The following NRXN3 variants were observed in gnomAD, a reference collection of about 807,000 sequenced individuals.
NRXN3 encodes neurexin 3.
In NRXN3, 32 loss-of-function variants were observed where a neutral mutation model predicts 137.6. That is an observed-to-expected ratio of 0.23 (90% CI 0.18 to 0.31). The LOEUF (loss-of-function observed/expected upper bound fraction) is 0.31, where lower values mean the gene tolerates loss of function less well. Ranked by LOEUF, NRXN3 falls within the 10% of genes least tolerant of loss-of-function variation. The pLI, the probability that NRXN3 is intolerant of heterozygous loss-of-function variation, is 1.00. For synonymous variants in NRXN3, 798 were observed against 784.5 expected, an observed-to-expected ratio of 1.02 and a Z score of -0.29; for missense variants, 1,574 against 2,062.5, an observed-to-expected ratio of 0.76 and a Z score of 4.59.
chr14:79,183,636 T>C (rs961784946), intron 15 of NRXN3, among the ~76,000 whole-genome samples: 8 of 152,238 alleles, frequency 5.3e-5, no homozygotes, highest in Non-Finnish European at 1.0e-4. Context: ...GGATTAACTC[T>C]AGTCTATAAT....
At chr14:79,737,637 A>G (rs961225262) in intron 19 of NRXN3, among the ~76,000 whole-genome samples, 2 of 152,070 alleles carry the variant, frequency 1.3e-5, no homozygotes, top group Admixed American at 6.6e-5. Context: ...ATTTCACCTT[A>G]ATGTCACCAG....
intron 4 of NRXN3, among the ~76,000 whole-genome samples, chr14:78,372,755 A>G (rs1289618665): frequency 6.6e-6 from 1 of 152,238 alleles, no homozygotes; most frequent in African/African-American, 2.4e-5. Context: ...AAGCTAAGGT[A>G]TGTTGAAAAC....
intron 19 of NRXN3, among the ~76,000 whole-genome samples, chr14:79,764,530 G>A (rs187482047): frequency 6.6e-6 from 1 of 152,292 alleles, no homozygotes; most frequent in East Asian, 1.9e-4. Flanking sequence ...TAGCATGGGG[G>A]CCATGTCTAG....
At chr14:79,287,139 C>T (rs1165926874) in intron 15 of NRXN3, among the ~76,000 whole-genome samples, 1 of 152,140 alleles carries the variant, frequency 6.6e-6, no homozygotes, top group East Asian at 1.9e-4. Flanking sequence ...TCTATACATA[C>T]ACTTTTTTGC....
Position 79,861,090 on chromosome 14 carries a change from C to T in NRXN3, c.4094-252C>T. ...GTAGAAGACCCTTTAGCTACCCCTC[C>T]TATTGCTACTCGTGCACCTTCCATT... On this transcript the variant is annotated intron_variant, in intron 20 of 20. Transcript: ENST00000335750. The surrounding 1 kb of genome is among the most constrained non-coding windows in gnomAD (Gnocchi z 5.4). The T allele has an allele frequency of 6.9e-7, 1 of 1,438,946 alleles. No homozygotes were observed. Among genetic ancestry groups the T allele is most frequent in the Non-Finnish European group, 9.1e-7 (1 of 1,099,502 alleles). 89.1% of individuals were successfully genotyped at this position (1,438,946 alleles called of 1,614,324 possible). A position where few individuals can be genotyped will look rare whatever the true frequency, so the allele number is the denominator to read the frequency against.
intron 15 of NRXN3, among the ~76,000 whole-genome samples, chr14:79,229,979 C>T (rs1234867228): frequency 6.6e-6 from 1 of 152,076 alleles, no homozygotes; most frequent in Non-Finnish European, 1.5e-5. Context: ...TAAATGAACA[C>T]CTTAGTAGAG....
intron 15 of NRXN3, among the ~76,000 whole-genome samples, chr14:79,156,306 C>A (rs1207047636): frequency 2.0e-5 from 3 of 151,798 alleles, no homozygotes; most frequent in African/African-American, 7.3e-5. Context: ...CTGGCACCTG[C>A]AATCTTAACC....
intron 15 of NRXN3, among the ~76,000 whole-genome samples, chr14:79,419,603 A>T (rs2095546562): frequency 6.6e-6 from 1 of 152,032 alleles, no homozygotes; most frequent in South Asian, 2.1e-4. Context: ...ACATTTAAAG[A>T]GGGGAGAGAG....
intron 15 of NRXN3, among the ~76,000 whole-genome samples, chr14:79,274,483 C>T (rs141566939): frequency 0.022 from 3,281 of 152,160 alleles, 54 homozygotes; most frequent in Middle Eastern, 0.078. Flanking sequence ...GCTGAGGATA[C>T]GAAGTTTAGA....
intron 16 of NRXN3, among the ~76,000 whole-genome samples, chr14:79,650,982 A>T (rs945988597): frequency 6.6e-6 from 1 of 152,222 alleles, no homozygotes; most frequent in African/African-American, 2.4e-5. Flanking sequence ...AGGCAAGACA[A>T]TGAAACTGAG....
At chr14:78,556,034 T>C (rs2152233960) in intron 4 of NRXN3, among the ~76,000 whole-genome samples, 1 of 152,320 alleles carries the variant, frequency 6.6e-6, no homozygotes, top group Non-Finnish European at 1.5e-5. Flanking sequence ...AAAGGCAAGG[T>C]TCCTATGTGT....
intron 16 of NRXN3, among the ~76,000 whole-genome samples, chr14:79,606,416 T>C (rs1056996354): frequency 5.3e-5 from 8 of 152,210 alleles, no homozygotes; most frequent in Non-Finnish European, 1.2e-4. Context: ...TTCATGCAAA[T>C]GTTTCTGATT....
chr14:79,430,588 T>C (rs1489470321), intron 15 of NRXN3, among the ~76,000 whole-genome samples: 2 of 152,190 alleles, frequency 1.3e-5, no homozygotes, highest in South Asian at 4.1e-4. Flanking sequence ...ACTGTTCTGA[T>C]TACTTTTAAA....
At chr14:78,235,006 A>ATATATATATATATGTG (rs1208341074) in intron 1 of NRXN3, among the ~76,000 whole-genome samples, 30 of 98,840 alleles carry the variant, frequency 3.0e-4, no homozygotes, top group South Asian at 7.1e-4. Context: ...ATATATATAT[A>ATATATATATATATGTG]TATATATATA....
At position 79,865,009 on chromosome 14, in the gene NRXN3, C is replaced by T. The variant is rs1488475243; in HGVS notation, c.*3045C>T. On this transcript the variant is annotated 3_prime_UTR_variant, in exon 21 of 21. Transcript: ENST00000335750. ...CTCGTAATCCACCCGCCTCGGCCTC[C>T]CAAAGTGCTGGGATTACAGGCGTGA... The T allele has an allele frequency of 6.6e-6, 1 of 152,190 alleles. No individual in the cohort carries two copies. Among genetic ancestry groups the T allele is most frequent in the Non-Finnish European group, 1.5e-5 (1 of 68,054 alleles). 9.4% of individuals were successfully genotyped at this position (152,190 alleles called of 1,614,324 possible). A position where few individuals can be genotyped will look rare whatever the true frequency, so the allele number is the denominator to read the frequency against.
At chr14:78,687,206 A>T (rs1246730427) in intron 6 of NRXN3, among the ~76,000 whole-genome samples, 1 of 152,160 alleles carries the variant, frequency 6.6e-6, no homozygotes, top group Non-Finnish European at 1.5e-5. Flanking sequence ...CCATGGTAAG[A>T]AGTTTGGATT....
rs1459380968 is a variant in NRXN3, at chr14:78,739,270, C to T, written c.2044+24131C>T. Among the ~76,000 whole-genome samples, 3 of 152,372 alleles carry T rather than the reference C, an allele frequency of 2.0e-5. No individual in the cohort carries two copies. The East Asian group carries it at 5.8e-4, about 29-fold the overall frequency. On this transcript the variant is annotated intron_variant, in intron 8 of 20. Coordinates refer to ENST00000335750, the MANE Select transcript of NRXN3 (RefSeq NM_001330195.2). ...CAGAGCTGGTAACAGCCCAACAATG[C>T]CGCTATGGAATATAGTCCATATTTT...
intron 16 of NRXN3, among the ~76,000 whole-genome samples, chr14:79,614,152 G>A (rs1307292774): frequency 6.6e-6 from 1 of 152,246 alleles, no homozygotes; most frequent in African/African-American, 2.4e-5. Flanking sequence ...GAATAGATAA[G>A]AGATGCTTCA....
At chr14:79,049,690 T>A (rs2099639121) in intron 15 of NRXN3, among the ~76,000 whole-genome samples, 1 of 152,178 alleles carries the variant, frequency 6.6e-6, no homozygotes. Context: ...ACAAAATGTA[T>A]TTCTTCAATA....
Sources: allele counts gnomAD v4.1 joint callset (sites outside exome capture counted in the v4.1 genomes callset), GRCh38; gene constraint gnomAD v4.1.1; non-coding constraint Gnocchi (gnomAD v3.1); transcripts MANE v1.5; gene names NCBI Gene and HGNC (gene_info 2026-07-23, HGNC 2026-07-21).